The following GPM6B variants were observed in gnomAD, a reference collection of about 807,000 sequenced individuals.
GPM6B encodes the protein glycoprotein M6B, also known as neuronal membrane glycoprotein M6-b.
GPM6B carries 4 observed loss-of-function variants against 27.2 expected under a neutral mutation model. That is an observed-to-expected ratio of 0.15 (90% CI 0.07 to 0.34). The LOEUF is 0.34. Among genes scored for constraint, GPM6B ranks in the 10% least tolerant of loss-of-function variants. The probability of loss-of-function intolerance (pLI) is 1.00; values close to 1 mark genes in which losing one functional copy is unlikely to be tolerated. For missense variants in GPM6B, 183 were observed against 261.9 expected (o/e 0.70, Z 2.08); for synonymous variants, 124 against 103.1 (o/e 1.20, Z -1.23).
At chrX:13,867,338 G>T (rs2049930733) in intron 1 of GPM6B, among the ~76,000 whole-genome samples, 1 of 111,860 alleles carries the variant, frequency 8.9e-6, no homozygotes, top group Non-Finnish European at 1.9e-5. Flanking sequence ...TCAAACTCCT[G>T]GGCTCAAGCG....
Position 13,785,804 on chromosome X carries a change from G to A in GPM6B, c.186C>T (p.Cys62=), listed in dbSNP as rs1049618964. 8 of 1,204,276 alleles carry A rather than the reference G, an allele frequency of 6.6e-6. No homozygotes were observed. In the African/African-American group the frequency reaches 1.2e-4, roughly 18 times the overall value. The change falls in exon 3 of 8, where the codon TGC becomes TGT. Residue 62 remains cysteine (C), a synonymous_variant. Transcript: ENST00000316715. The stretch of plus-strand genomic sequence containing the variant: ...CCAGACACTTGATGCAGCATTCAAA[G>A]CAGCCTGAACCCAAAGGAGAGAAAA... ...DRASPLSSPG[C]FECCIKCLGG...
intron 1 of GPM6B, among the ~76,000 whole-genome samples, chrX:13,935,583 A>G (rs1158380172): frequency 8.9e-6 from 1 of 112,322 alleles, no homozygotes; most frequent in African/African-American, 3.2e-5. Flanking sequence ...CTCTCTGGAT[A>G]CATAAGCCAT....
intron 1 of GPM6B, among the ~76,000 whole-genome samples, chrX:13,896,068 T>A (rs1254820043): frequency 1.0e-5 from 1 of 96,917 alleles, no homozygotes; most frequent in Non-Finnish European, 2.1e-5. Flanking sequence ...GGCAGGAGGA[T>A]CTCTTGAGCC....
intron 1 of GPM6B, among the ~76,000 whole-genome samples, chrX:13,823,029 T>C (rs377361346): frequency 1.8e-5 from 2 of 112,078 alleles, no homozygotes; most frequent in East Asian, 5.6e-4. Flanking sequence ...CGGAATTAAA[T>C]TTCTCATTTT....
intron 2 of GPM6B, among the ~76,000 whole-genome samples, chrX:13,796,317 C>T (rs368345088): frequency 8.0e-5 from 9 of 112,165 alleles, no homozygotes; most frequent in African/African-American, 2.6e-4. Flanking sequence ...GATCTGCCCA[C>T]GTTGGCCTCC....
chrX:13,779,659 G>GA (rs770011955), intron 5 of GPM6B, among the ~76,000 whole-genome samples, 159 bp downstream of exon 5: 22 of 111,337 alleles, frequency 2.0e-4, no homozygotes, highest in African/African-American at 5.2e-4. Context: ...TTTCCACCCA[G>GA]AAAATAGCAT....
At chrX:13,879,271 G>A (rs185033627) in intron 1 of GPM6B, among the ~76,000 whole-genome samples, 10 of 111,923 alleles carry the variant, frequency 8.9e-5, no homozygotes, top group East Asian at 8.4e-4. Flanking sequence ...CATAACTTAC[G>A]GTGAAGATCC....
Position 13,880,675 on chromosome X carries a change from C to CAAA in GPM6B, c.-198+57649_-198+57651dup, listed in dbSNP as rs57849359. ...TGGGAGACAGAGCAAGGCTCCATCT[C>CAAA]AAAAAAAAAAAAAAAAGGCAAATCA... On this transcript the variant is annotated intron_variant, in intron 1 of 6. Transcript: ENST00000398361. Among the ~76,000 whole-genome samples, 24 of 46,619 alleles carry CAAA rather than the reference C, an allele frequency of 5.1e-4. 1 individual carries two copies. In the East Asian group the frequency reaches 0.027, roughly 53 times the overall value. The allele number at this position is 46,619 out of a possible 115,157, so 40.5% of individuals were successfully genotyped here.
intron 3 of GPM6B, 33 bp downstream of exon 3, chrX:13,785,589 T>C (rs2048595461): frequency 1.7e-6 from 2 of 1,179,896 alleles, no homozygotes; most frequent in Admixed American, 2.2e-5. Context: ...CGCCAGGCCT[T>C]AGATGCATTT....
rs1296042488 is a variant in GPM6B, at chrX:13,771,855, A to G, written c.*1026T>C. Reference sequence around the variant, plus strand: ...AAGAAAAAAATGAAATACCAACCCTAATTTAAATTACTTAAGTATTCAAGT... The same window carrying G: ...AAGAAAAAAATGAAATACCAACCCTGATTTAAATTACTTAAGTATTCAAGT... On this transcript the variant is annotated 3_prime_UTR_variant, in exon 8 of 8. Coordinates refer to ENST00000316715, the MANE Select transcript of GPM6B (RefSeq NM_001001995.3). 1 of 112,390 alleles carries G rather than the reference A, an allele frequency of 8.9e-6. No homozygotes were observed. Among genetic ancestry groups the G allele is most frequent in the Non-Finnish European group, 1.9e-5 (1 of 53,207 alleles). 9.3% of individuals were successfully genotyped at this position (112,390 alleles called of 1,213,427 possible).
intron 1 of GPM6B, among the ~76,000 whole-genome samples, chrX:13,935,567 G>A (rs1418281566): frequency 9.0e-6 from 1 of 111,590 alleles, no homozygotes; most frequent in African/African-American, 3.3e-5. Context: ...AACAAAATCC[G>A]CATTTCTCTC....
intron 2 of GPM6B, among the ~76,000 whole-genome samples, chrX:13,802,313 A>G (rs2048936420): frequency 9.0e-6 from 1 of 110,807 alleles, no homozygotes; most frequent in South Asian, 3.9e-4. Flanking sequence ...TCAACACTCA[A>G]TACTCATCGA....
At position 13,931,451 on chromosome X, in the gene GPM6B, G is replaced by A. The variant is rs771916425; in HGVS notation, c.-198+6876C>T. On this transcript the variant is annotated intron_variant, in intron 1 of 6. Coordinates refer to the GPM6B transcript ENST00000398361. ...TGCAGTGAGCCGAGATCGCACCACT[G>A]CACTCCAGCCTGGGCTACAGAGTGA... is the stretch of plus-strand genomic sequence containing the variant. 6.5e-5 allele frequency among the ~76,000 whole-genome samples: 7 copies of A among 108,290 alleles called. No homozygotes were observed. The East Asian group carries it at 1.7e-3, about 27-fold the overall frequency. The allele number at this position is 108,290 out of a possible 115,157, so 94.0% of individuals were successfully genotyped here.
At chrX:13,938,466 C>A (rs1452702797), upstream of GPM6B, 3 of 901,250 alleles carry the variant, frequency 3.3e-6, no homozygotes, top group Non-Finnish European at 4.2e-6. Flanking sequence ...GGCGGGGGCG[C>A]GAGACCGTGG....
At chrX:13,906,534 T>C (rs2050333092) in intron 1 of GPM6B, among the ~76,000 whole-genome samples, 1 of 112,155 alleles carries the variant, frequency 8.9e-6, no homozygotes, top group African/African-American at 3.2e-5. Flanking sequence ...AGATTATCAG[T>C]TTGAAATAAT....
chrX:13,820,241 T>C (rs1208105199), upstream of GPM6B, among the ~76,000 whole-genome samples: 1 of 111,183 alleles, frequency 9.0e-6, no homozygotes, highest in Non-Finnish European at 1.9e-5. Context: ...AGAGATAGTG[T>C]GAACCTGAAC....
chrX:13,877,240 C>T (rs1214004810), intron 1 of GPM6B, among the ~76,000 whole-genome samples: 2 of 111,613 alleles, frequency 1.8e-5, no homozygotes, highest in Admixed American at 9.5e-5. Context: ...TGATATGGGA[C>T]GAAACAAACC....
At chrX:13,850,007 C>T (rs1056767233) in intron 1 of GPM6B, among the ~76,000 whole-genome samples, 1 of 111,559 alleles carries the variant, frequency 9.0e-6, no homozygotes, top group Non-Finnish European at 1.9e-5. Context: ...TGCAGTGAGC[C>T]GAGATGGCAT....
At chrX:13,780,056 G>C (rs1225358987) in intron 4 of GPM6B, 67 bp from the exon 5 acceptor site, 15 of 969,778 alleles carry the variant, frequency 1.5e-5, no homozygotes, top group Non-Finnish European at 2.0e-5. Flanking sequence ...CTAAGTGGAA[G>C]GATTGTGCAT....
Sources: allele counts gnomAD v4.1 joint callset (sites outside exome capture counted in the v4.1 genomes callset), GRCh38; gene constraint gnomAD v4.1.1; transcripts MANE v1.5; gene names NCBI Gene and HGNC (gene_info 2026-07-23, HGNC 2026-07-21).